Variants in PLEKHA5 observed in about 807,000 individuals in gnomAD.
The protein encoded by PLEKHA5 is pleckstrin homology domain containing A5.
PLEKHA5 carries 55 observed loss-of-function variants against 181.9 expected under a neutral mutation model. That is an observed-to-expected ratio of 0.30 (90% CI 0.24 to 0.38). The LOEUF is 0.38. Among genes scored for constraint, PLEKHA5 ranks in the 10% least tolerant of loss-of-function variants. The pLI, the probability that PLEKHA5 is intolerant of heterozygous loss-of-function variation, is 1.00. For missense variants in PLEKHA5, 1,432 were observed against 1,549.5 expected (o/e 0.92, Z 1.27); for synonymous variants, 535 against 529.4 (o/e 1.01, Z -0.15).
intron 3 of PLEKHA5, among the ~76,000 whole-genome samples, chr12:19,249,793 G>A (rs1390890153): frequency 6.6e-6 from 1 of 152,148 alleles, no homozygotes; most frequent in East Asian, 1.9e-4. Context: ...TATGTAGTCT[G>A]ATTTCAGAAA....
intron 3 of PLEKHA5, among the ~76,000 whole-genome samples, chr12:19,210,244 G>A (rs4550272): frequency 3.3e-5 from 5 of 152,022 alleles, no homozygotes; most frequent in African/African-American, 1.2e-4. Context: ...TTCCACAGAC[G>A]TTTTGAAGTC....
intron 3 of PLEKHA5, among the ~76,000 whole-genome samples, chr12:19,219,786 A>G (rs1328311739): frequency 6.6e-6 from 1 of 152,126 alleles, no homozygotes; most frequent in Non-Finnish European, 1.5e-5. Context: ...GAGAAAAATA[A>G]CTGATACAAG....
At chr12:19,334,457 T>C (rs2093156920) in intron 20 of PLEKHA5, among the ~76,000 whole-genome samples, 1 of 152,180 alleles carries the variant, frequency 6.6e-6, no homozygotes, top group African/African-American at 2.4e-5. Flanking sequence ...TAAATGCCTC[T>C]GCAGTGCAGT....
chr12:19,269,880 G>A lies in PLEKHA5; in HGVS notation c.822G>A (p.Val274=), dbSNP rs1305363716. ...LDAALVQTEP[V]KRITFNFRVD... Reference sequence around the variant, plus strand: ...CTGCCCTAGTACAGACAGAACCTGTGAAAAGGTAAAGGCTTGTAGAAAAAA... The same window carrying A: ...CTGCCCTAGTACAGACAGAACCTGTAAAAAGGTAAAGGCTTGTAGAAAAAA... Residue 274 remains valine (V), a synonymous_variant, in exon 9 of 32, where the codon GTG becomes GTA. Coordinates refer to ENST00000429027, the MANE Select transcript of PLEKHA5 (RefSeq NM_001256470.2). The A allele has an allele frequency of 2.0e-6, 3 of 1,524,648 alleles. No individual in the cohort carries two copies. Among genetic ancestry groups the A allele is most frequent in the African/African-American group, 1.4e-5 (1 of 73,204 alleles). The allele number at this position is 1,524,648 out of a possible 1,614,324, so 94.4% of individuals were successfully genotyped here. A position where few individuals can be genotyped will look rare whatever the true frequency, so the allele number is the denominator to read the frequency against.
At chr12:19,341,399 A>G (rs2093914679) in intron 21 of PLEKHA5, among the ~76,000 whole-genome samples, 1 of 152,180 alleles carries the variant, frequency 6.6e-6, no homozygotes, top group Admixed American at 6.5e-5. Context: ...GTCTATACAT[A>G]TATATATCTT....
chr12:19,352,740 G>T (rs898469197), intron 25 of PLEKHA5, among the ~76,000 whole-genome samples: 2 of 151,424 alleles, frequency 1.3e-5, no homozygotes, highest in Non-Finnish European at 2.9e-5. Flanking sequence ...TATAATTAAT[G>T]TTCTTAAAAA....
chr12:19,353,845 A>C (rs1398438272), intron 25 of PLEKHA5, 39 bp from the exon 26 acceptor site: 1 of 888,840 alleles, frequency 1.1e-6, no homozygotes, highest in Non-Finnish European at 1.9e-6. Context: ...TGCTGTATAA[A>C]AGATGTTTTG....
rs3056381 is a variant in PLEKHA5 at position 19,156,895 on chromosome 12, CA to C, written c.227+24461del. ...ACAAATCTCTACTAACAAAAAATAC[CA>C]AAAAAAAAAAAAAAATTAGCTGGGC... is the stretch of plus-strand genomic sequence containing the variant. On this transcript the variant is annotated intron_variant, in intron 3 of 31. Coordinates refer to ENST00000429027, the MANE Select transcript of PLEKHA5 (RefSeq NM_001256470.2). Among the ~76,000 whole-genome samples, 126 of 130,510 alleles carry C rather than the reference CA, an allele frequency of 9.7e-4. No individual in the cohort carries two copies. In the South Asian group the frequency reaches 0.014, roughly 15 times the overall value. 85.6% of individuals were successfully genotyped at this position (130,510 alleles called of 152,430 possible).
intron 3 of PLEKHA5, among the ~76,000 whole-genome samples, chr12:19,204,116 T>C (rs1483505850): frequency 1.3e-5 from 2 of 152,014 alleles, no homozygotes; most frequent in African/African-American, 4.8e-5. Context: ...ACCCTCCATG[T>C]TAAGAGGCAG....
chr12:19,349,583 A>G (rs1452305494), intron 25 of PLEKHA5, among the ~76,000 whole-genome samples: 2 of 152,118 alleles, frequency 1.3e-5, no homozygotes, highest in African/African-American at 4.8e-5. Context: ...TGCGTAAAGA[A>G]AAGAGTAGAG....
chr12:19,184,420 TG>T (rs1311947036), intron 3 of PLEKHA5, among the ~76,000 whole-genome samples: 1 of 152,174 alleles, frequency 6.6e-6, no homozygotes, highest in Non-Finnish European at 1.5e-5. Context: ...TGTACTTGGA[TG>T]TAGGATGTAC....
chr12:19,155,434 C>CT (rs534972141), intron 3 of PLEKHA5, among the ~76,000 whole-genome samples: 75 of 152,160 alleles, frequency 4.9e-4, no homozygotes, highest in African/African-American at 1.7e-3. Context: ...TCTTCACGTC[C>CT]TTTTTTTGTA....
At chr12:19,306,039 C>T (rs1315827968) in intron 15 of PLEKHA5, among the ~76,000 whole-genome samples, 2 of 151,724 alleles carry the variant, frequency 1.3e-5, no homozygotes, top group Non-Finnish European at 1.5e-5. Context: ...GAGATCGCCC[C>T]ATTGTACTCC....
At chr12:19,176,546 C>T (rs958835764) in intron 3 of PLEKHA5, 1 of 152,160 alleles carries the variant, frequency 6.6e-6, no homozygotes, top group African/African-American at 2.4e-5. Context: ...CCAGCTTCAG[C>T]TTCCTAAGTA....
rs140681827 is a variant in PLEKHA5 at position 19,241,335 on chromosome 12, C to G, written c.228-12605C>G. Among the ~76,000 whole-genome samples the G allele has an allele frequency of 4.2e-3, 642 of 152,268 alleles. 6 individuals carry two copies. Among genetic ancestry groups the G allele is most frequent in the African/African-American group, 0.014 (595 of 41,546 alleles). ...CCTATTCTACAGAAAGAAGCTGAAG[C>G]TCAGCTTGGAGGATAGACTCAATAG... On this transcript the variant is annotated intron_variant, in intron 3 of 31. Coordinates refer to ENST00000429027, the MANE Select transcript of PLEKHA5 (RefSeq NM_001256470.2).
chr12:19,180,952 A>G (rs1162527543), intron 3 of PLEKHA5, among the ~76,000 whole-genome samples: 1 of 152,036 alleles, frequency 6.6e-6, no homozygotes, highest in Non-Finnish European at 1.5e-5. Context: ...TCTGTTTTTA[A>G]AGAACTCCAC....
rs527822070 is a variant in PLEKHA5, at chr12:19,286,717, G to A, written c.1780-756G>A. Among the ~76,000 whole-genome samples, 474 of 152,232 alleles carry A rather than the reference G, an allele frequency of 3.1e-3. 2 individuals carry two copies. Among genetic ancestry groups the A allele is most frequent in the African/African-American group, 0.011 (463 of 41,560 alleles). On this transcript the variant is annotated intron_variant, in intron 12 of 31. Coordinates refer to ENST00000429027, the MANE Select transcript of PLEKHA5 (RefSeq NM_001256470.2). The stretch of plus-strand genomic sequence containing the variant: ...CAAGTGGCTCAAGCCTGTAATCCTA[G>A]CACTTTGGGAGGCCGAGGTAGGTGG...
At chr12:19,182,310 A>T (rs927625540) in intron 3 of PLEKHA5, among the ~76,000 whole-genome samples, 3 of 152,170 alleles carry the variant, frequency 2.0e-5, no homozygotes, top group African/African-American at 7.2e-5. Context: ...TATTATTGCC[A>T]GTGAGACAGT....
At chr12:19,145,269 G>A (rs1387344627) in intron 3 of PLEKHA5, among the ~76,000 whole-genome samples, 1 of 152,130 alleles carries the variant, frequency 6.6e-6, no homozygotes, top group East Asian at 1.9e-4. Context: ...ATGATCGTTA[G>A]TAGTTATTAT....
Sources: allele counts gnomAD v4.1 joint callset (sites outside exome capture counted in the v4.1 genomes callset), GRCh38; gene constraint gnomAD v4.1.1; transcripts MANE v1.5; gene names NCBI Gene and HGNC (gene_info 2026-07-23, HGNC 2026-07-21).